Variants in ETV6 observed in about 807,000 individuals in gnomAD.
The protein encoded by ETV6 is ETS variant transcription factor 6.
In ETV6, 16 loss-of-function variants were observed where a neutral mutation model predicts 51.1. That is an observed-to-expected ratio of 0.31 (90% CI 0.21 to 0.48). ETV6 has a LOEUF of 0.48. ETV6 is among the 20% of genes least tolerant of loss of function. ETV6 has a pLI of 0.99. For missense variants in ETV6, 458 were observed against 594.8 expected (o/e 0.77, Z 2.39); for synonymous variants, 240 against 224.1 (o/e 1.07, Z -0.64).
chr12:11,892,776 G>A lies in ETV6; in HGVS notation c.*1730G>A, dbSNP rs1947315034. Reference sequence around the variant, plus strand: ...TTTTCTGAGTTGAGTCAGACATGTAGAGTTTGGGTCACACAGGCAAGAGGA... The same window carrying A: ...TTTTCTGAGTTGAGTCAGACATGTAAAGTTTGGGTCACACAGGCAAGAGGA... On this transcript the variant is annotated 3_prime_UTR_variant, in exon 8 of 8. Coordinates refer to ENST00000396373, the MANE Select transcript of ETV6 (RefSeq NM_001987.5). 4.3e-6 allele frequency: 1 copy of A among 232,914 alleles called. No individual in the cohort carries two copies. The highest frequency in any genetic ancestry group is 2.2e-5 in the African/African-American group (1 of 45,320). The allele number at this position is 232,914 out of a possible 1,614,324, so 14.4% of individuals were successfully genotyped here.
At chr12:11,658,530 C>T (rs901756927) in intron 1 of ETV6, among the ~76,000 whole-genome samples, 8 of 152,206 alleles carry the variant, frequency 5.3e-5, no homozygotes, top group South Asian at 2.1e-4. Flanking sequence ...CCACTGTCCC[C>T]GGCCCCCGGC....
chr12:11,674,110 C>T (rs778637114), intron 1 of ETV6, among the ~76,000 whole-genome samples: 1 of 152,140 alleles, frequency 6.6e-6, no homozygotes, highest in Non-Finnish European at 1.5e-5. Flanking sequence ...CAGACCACCC[C>T]GCAGATACAA....
At chr12:11,831,189 TTG>T (rs553485682) in intron 2 of ETV6, among the ~76,000 whole-genome samples, 4 of 151,666 alleles carry the variant, frequency 2.6e-5, no homozygotes, top group Admixed American at 2.6e-4. Context: ...TTTAAATAGT[TTG>T]TGTGTGTGTG....
At chr12:11,855,213 A>T (rs1287089556) in intron 4 of ETV6, among the ~76,000 whole-genome samples, 1 of 151,814 alleles carries the variant, frequency 6.6e-6, no homozygotes, top group Non-Finnish European at 1.5e-5. Flanking sequence ...GGCTGAGGCA[A>T]GATAATGGAG....
rs576325762 is a variant in ETV6, at chr12:11,856,319, C to T, written c.463+2758C>T. ...GGTAAGAGGATGGAGCTAATGAGGCCGAGGTCAAGGGTGTCATTGCCCTGC... is the reference window on the plus strand; with the variant it reads ...GGTAAGAGGATGGAGCTAATGAGGCTGAGGTCAAGGGTGTCATTGCCCTGC... On this transcript the variant is annotated intron_variant, in intron 4 of 7. Transcript: ENST00000396373. 1.7e-4 allele frequency among the ~76,000 whole-genome samples: 26 copies of T among 152,248 alleles called. No individual in the cohort carries two copies. In the East Asian group the frequency reaches 4.2e-3, roughly 25 times the overall value.
chr12:11,744,505 A>G (rs1399952045), intron 1 of ETV6, among the ~76,000 whole-genome samples: 4 of 152,220 alleles, frequency 2.6e-5, no homozygotes, highest in Admixed American at 6.5e-5. Context: ...TCTTCCCCAG[A>G]GGTGACGTCT....
At position 11,892,503 on chromosome 12, in the gene ETV6, A is replaced by ATTTT. The variant is rs371083937; in HGVS notation, c.*1468_*1471dup. On this transcript the variant is annotated 3_prime_UTR_variant, in exon 8 of 8. Coordinates refer to ENST00000396373, the MANE Select transcript of ETV6 (RefSeq NM_001987.5). ...TTAGTATTTTTGAAAGCTGTTTTAG[A>ATTTT]TTTTTTTTTTTTTTCCTTTTCTAGC... 2 of 188,784 alleles carry ATTTT rather than the reference A, an allele frequency of 1.1e-5. No homozygotes were observed. Among genetic ancestry groups the ATTTT allele is most frequent in the South Asian group, 4.1e-4 (2 of 4,822 alleles). 11.7% of individuals were successfully genotyped at this position (188,784 alleles called of 1,614,324 possible).
intron 2 of ETV6, among the ~76,000 whole-genome samples, chr12:11,836,980 G>A (rs891369402): frequency 1.4e-4 from 21 of 152,282 alleles, no homozygotes; most frequent in African/African-American, 4.6e-4. Context: ...AAATCGCAGC[G>A]CCATTCTTGT....
intron 7 of ETV6, among the ~76,000 whole-genome samples, chr12:11,886,686 TA>T (rs1441155084): frequency 6.6e-6 from 1 of 152,180 alleles, no homozygotes; most frequent in Admixed American, 6.5e-5. Flanking sequence ...TCCTCATAGA[TA>T]ATGAGTTCCA....
intron 7 of ETV6, among the ~76,000 whole-genome samples, chr12:11,889,455 G>A (rs1947254550): frequency 6.6e-6 from 1 of 152,214 alleles, no homozygotes; most frequent in East Asian, 1.9e-4. Flanking sequence ...CAAGTGAGGT[G>A]TTGAATTGTA....
intron 1 of ETV6, among the ~76,000 whole-genome samples, chr12:11,706,193 C>T (rs78776994): frequency 3.9e-4 from 59 of 152,344 alleles, no homozygotes; most frequent in Non-Finnish European, 3.2e-4. Flanking sequence ...AAAATAACAA[C>T]GCCTTTCATT....
At chr12:11,709,505 A>T (rs528051031) in intron 1 of ETV6, among the ~76,000 whole-genome samples, 3 of 152,122 alleles carry the variant, frequency 2.0e-5, no homozygotes, top group Admixed American at 6.5e-5. Context: ...ACCTGGCTAG[A>T]TCTCATGTTT....
chr12:11,785,697 G>C (rs1255752929), intron 2 of ETV6, among the ~76,000 whole-genome samples: 2 of 152,156 alleles, frequency 1.3e-5, no homozygotes, highest in Non-Finnish European at 2.9e-5. Context: ...GGAAAGACTT[G>C]CTGCAACAAG....
At chr12:11,789,223 G>C (rs137982435) in intron 2 of ETV6, among the ~76,000 whole-genome samples, 7 of 152,114 alleles carry the variant, frequency 4.6e-5, no homozygotes, top group Admixed American at 4.6e-4. Flanking sequence ...TAGTAGAGAC[G>C]GGTTTTCACC....
At chr12:11,656,918 T>C (rs558311936) in intron 1 of ETV6, among the ~76,000 whole-genome samples, 1 of 152,186 alleles carries the variant, frequency 6.6e-6, no homozygotes, top group Non-Finnish European at 1.5e-5. Flanking sequence ...TTTAATATTA[T>C]GTGATTTCCA....
intron 5 of ETV6, among the ~76,000 whole-genome samples, chr12:11,872,621 G>T (rs1323798433): frequency 1.3e-5 from 2 of 151,584 alleles, no homozygotes; most frequent in Non-Finnish European, 2.9e-5. Flanking sequence ...AGCCTCCTGA[G>T]TAGCAGGGAT....
chr12:11,667,408 A>G (rs761917873), intron 1 of ETV6, among the ~76,000 whole-genome samples: 3 of 152,162 alleles, frequency 2.0e-5, no homozygotes, highest in African/African-American at 4.8e-5. Context: ...CTCGATGCTC[A>G]TGAACCTAGG....
chr12:11,871,442 G>A (rs927601311), intron 5 of ETV6, among the ~76,000 whole-genome samples: 2 of 151,936 alleles, frequency 1.3e-5, no homozygotes, highest in East Asian at 1.9e-4. Context: ...CGCCTGCGTC[G>A]GCCTCCTAAA....
intron 2 of ETV6, among the ~76,000 whole-genome samples, chr12:11,791,511 A>C (rs1945592350): frequency 6.6e-6 from 1 of 152,234 alleles, no homozygotes; most frequent in South Asian, 2.1e-4. Context: ...CTTGAGTCAC[A>C]CGTGTGGCCC....
Sources: gnomAD v4.1 joint callset for allele counts (sites outside exome capture counted in the v4.1 genomes callset) on GRCh38, gnomAD v4.1.1 for gene constraint, MANE v1.5 for transcripts, NCBI Gene and HGNC (gene_info 2026-07-23, HGNC 2026-07-21) for gene names.